IFT57: variants seen among roughly 807,000 people sequenced by gnomAD.
IFT57 encodes intraflagellar transport protein 57 homolog.
A neutral mutation model predicts 56.8 loss-of-function variants in IFT57; 59 were observed. The observed-to-expected ratio is 1.04, with a 90% CI of 0.84 to 1.29. IFT57 has a LOEUF of 1.29. Among genes scored for constraint, IFT57 ranks in the 50% most tolerant of loss-of-function variants. IFT57 has a pLI of 0.00. For synonymous variants in IFT57, 209 were observed against 186.1 expected (o/e 1.12, Z -1.00); for missense variants, 470 against 522.1 (o/e 0.90, Z 0.97).
intron 6 of IFT57, among the ~76,000 whole-genome samples, chr3:108,178,891 AATTCCAGTAGAAATGTGTAC>A (rs149033895): frequency 0.09 from 13,613 of 151,692 alleles, 655 homozygotes; most frequent in Middle Eastern, 0.12. Context: ...TCCTAGCAGA[AATTCCAGTAGAAATGTGTAC>A]ATTCCAGTAG....
intron 3 of IFT57, among the ~76,000 whole-genome samples, chr3:108,216,493 T>C (rs1484730357): frequency 6.6e-6 from 1 of 152,176 alleles, no homozygotes; most frequent in Non-Finnish European, 1.5e-5. Flanking sequence ...GCTGAGGATA[T>C]GGAGAAGGGG....
intron 5 of IFT57, among the ~76,000 whole-genome samples, chr3:108,203,384 C>T (rs2080290678): frequency 6.6e-6 from 1 of 152,172 alleles, no homozygotes; most frequent in South Asian, 2.1e-4. Flanking sequence ...TGCATTCTCA[C>T]TTCATTTTAC....
chr3:108,178,171 C>A (rs1577049757), intron 6 of IFT57, among the ~76,000 whole-genome samples: 1 of 151,788 alleles, frequency 6.6e-6, no homozygotes, highest in African/African-American at 2.4e-5. Flanking sequence ...TATGACAAAG[C>A]AGTGTACTGG....
chr3:108,198,426 G>A (rs967803483), intron 5 of IFT57, among the ~76,000 whole-genome samples: 11 of 152,098 alleles, frequency 7.2e-5, no homozygotes, highest in African/African-American at 2.7e-4. Flanking sequence ...CATGTTTGGT[G>A]TGTGCGTGTG....
chr3:108,196,316 C>T (rs1420359003), intron 5 of IFT57, among the ~76,000 whole-genome samples: 2 of 152,004 alleles, frequency 1.3e-5, no homozygotes, highest in South Asian at 2.1e-4. Flanking sequence ...TTCAGAATCA[C>T]CAAACAAGAC....
At chr3:108,213,850 T>C (rs2108327254) in intron 4 of IFT57, 81 bp downstream of exon 4, 2 of 765,656 alleles carry the variant, frequency 2.6e-6, no homozygotes, top group Non-Finnish European at 4.4e-6. Context: ...ATATTCCAGA[T>C]AATGGAAGTC....
chr3:108,165,387 C>T (rs767307501), intron 9 of IFT57, 44 bp downstream of exon 9: 2 of 1,528,066 alleles, frequency 1.3e-6, no homozygotes, highest in Admixed American at 3.3e-5. Context: ...ATGGCTGGGG[C>T]CCAGCTGACA....
At chr3:108,163,902 C>CT (rs1423651600) in intron 9 of IFT57, among the ~76,000 whole-genome samples, 173 bp from the exon 10 acceptor site, 2 of 151,948 alleles carry the variant, frequency 1.3e-5, no homozygotes, top group Non-Finnish European at 2.9e-5. Context: ...ATATACAAAG[C>CT]TTTTCAGTTT....
chr3:108,186,037 T>C (rs1313931108), intron 6 of IFT57, among the ~76,000 whole-genome samples: 1 of 152,080 alleles, frequency 6.6e-6, no homozygotes, highest in Non-Finnish European at 1.5e-5. Flanking sequence ...ACATCTCCAA[T>C]TCAGCTAGTA....
intron 7 of IFT57, 42 bp from the exon 8 acceptor site, chr3:108,167,027 C>G: frequency 6.4e-7 from 1 of 1,556,154 alleles, no homozygotes; most frequent in Non-Finnish European, 8.7e-7. Context: ...AACTCACAAA[C>G]ATATTTTTTC....
intron 6 of IFT57, among the ~76,000 whole-genome samples, chr3:108,174,812 A>G (rs1294351645): frequency 6.6e-6 from 1 of 151,872 alleles, no homozygotes; most frequent in Non-Finnish European, 1.5e-5. Context: ...CCTGGGTCTG[A>G]GAGTAAGAAA....
At chr3:108,191,252 G>A (rs2080213550) in intron 6 of IFT57, among the ~76,000 whole-genome samples, 1 of 152,086 alleles carries the variant, frequency 6.6e-6, no homozygotes, top group Non-Finnish European at 1.5e-5. Context: ...TGATTTCCCA[G>A]AAAATCTTCT....
intron 6 of IFT57, among the ~76,000 whole-genome samples, chr3:108,172,432 A>C (rs2080098971): frequency 1.3e-5 from 2 of 151,884 alleles, no homozygotes; most frequent in Non-Finnish European, 1.5e-5. Context: ...TTATGTACAT[A>C]ATGGGGAGCT....
chr3:108,219,125 T>TTC (rs2080390424), intron 2 of IFT57, among the ~76,000 whole-genome samples: 1 of 151,832 alleles, frequency 6.6e-6, no homozygotes, highest in Non-Finnish European at 1.5e-5. Context: ...GATTTTTTTT[T>TTC]AATTATCATT....
At chr3:108,216,664 A>G (rs902746929) in intron 3 of IFT57, among the ~76,000 whole-genome samples, 4 of 152,240 alleles carry the variant, frequency 2.6e-5, no homozygotes, top group African/African-American at 9.6e-5. Context: ...TATGTTAGAG[A>G]TATCTGCACT....
intron 6 of IFT57, among the ~76,000 whole-genome samples, chr3:108,185,874 C>T (rs1049912722): frequency 2.0e-5 from 3 of 152,058 alleles, no homozygotes; most frequent in Non-Finnish European, 2.9e-5. Context: ...TGGACTGGTT[C>T]CATCGATGCT....
chr3:108,177,421 C>T (rs35156959), intron 6 of IFT57, among the ~76,000 whole-genome samples: 1 of 151,556 alleles, frequency 6.6e-6, no homozygotes, highest in African/African-American at 2.4e-5. Flanking sequence ...ACAAAAATTA[C>T]AGATCAATAC....
chr3:108,192,471 C>T (rs1576040727), intron 5 of IFT57, among the ~76,000 whole-genome samples: 1 of 152,054 alleles, frequency 6.6e-6, no homozygotes, highest in East Asian at 1.9e-4. Context: ...ACAAAAAAGG[C>T]CTACTCTTTT....
At chr3:108,168,627 C>T (rs999164675) in intron 6 of IFT57, among the ~76,000 whole-genome samples, 1 of 152,060 alleles carries the variant, frequency 6.6e-6, no homozygotes, top group Non-Finnish European at 1.5e-5. Flanking sequence ...GGTATTTGTC[C>T]TACTGCTCTC....
Sources: allele counts gnomAD v4.1 joint callset (sites outside exome capture counted in the v4.1 genomes callset), GRCh38; gene constraint gnomAD v4.1.1; transcripts MANE v1.5; gene names NCBI Gene and HGNC (gene_info 2026-07-23, HGNC 2026-07-21).